The following PRR5L variants were observed in gnomAD, a reference collection of about 807,000 sequenced individuals.
PRR5L encodes the protein proline-rich protein 5-like.
PRR5L carries 21 observed loss-of-function variants against 36.4 expected under a neutral mutation model. The ratio of observed to expected loss-of-function variants is 0.58; its 90% CI spans 0.41 to 0.83. The LOEUF (loss-of-function observed/expected upper bound fraction) is 0.83, where lower values mean the gene tolerates loss of function less well. PRR5L is among the 40% of genes least tolerant of loss of function. PRR5L has a pLI of 0.00. For synonymous variants in PRR5L, 188 were observed against 197.0 expected (o/e 0.95, Z 0.38); for missense variants, 381 against 473.3 (o/e 0.80, Z 1.81).
At chr11:36,396,928 C>T (rs1285987868) in intron 1 of PRR5L, among the ~76,000 whole-genome samples, 1 of 152,104 alleles carries the variant, frequency 6.6e-6, no homozygotes, top group Non-Finnish European at 1.5e-5. Flanking sequence ...GGCTTCAATT[C>T]TAGTTTTCTG....
At position 36,463,377 on chromosome 11, in the gene PRR5L, A is replaced by G. The variant is rs1019723031; in HGVS notation, c.*641A>G. 3 of 152,182 alleles carry G rather than the reference A, an allele frequency of 2.0e-5. No homozygotes were observed. The highest frequency in any genetic ancestry group is 4.4e-5 in the Non-Finnish European group (3 of 68,066). The allele number at this position is 152,182 out of a possible 1,614,324, so 9.4% of individuals were successfully genotyped here. On this transcript the variant is annotated 3_prime_UTR_variant, in exon 9 of 9. Coordinates refer to ENST00000530639, the MANE Select transcript of PRR5L (RefSeq NM_001160167.2). ...CAGATCCTATGTGCTGCTTGCACAGAGGCCTTTGGCTTTTGACCCAGGAGG... is the reference window on the plus strand; with the variant it reads ...CAGATCCTATGTGCTGCTTGCACAGGGGCCTTTGGCTTTTGACCCAGGAGG...
chr11:36,341,980 A>G (rs1856821477), intron 1 of PRR5L, among the ~76,000 whole-genome samples: 1 of 152,248 alleles, frequency 6.6e-6, no homozygotes, highest in South Asian at 2.1e-4. Context: ...AAATGTTTCA[A>G]AGTACCTACT....
intron 7 of PRR5L, among the ~76,000 whole-genome samples, chr11:36,450,092 G>A (rs7117357): frequency 0.028 from 4,319 of 152,144 alleles, 199 homozygotes; most frequent in African/African-American, 0.098. Flanking sequence ...CCATCTCAGT[G>A]TAATGGTACC....
intron 1 of PRR5L, among the ~76,000 whole-genome samples, chr11:36,348,975 CA>C (rs2133486367): frequency 6.6e-6 from 1 of 152,268 alleles, no homozygotes; most frequent in Non-Finnish European, 1.5e-5. Flanking sequence ...ATGTCCTTAG[CA>C]TCCCTCGCTG....
At chr11:36,375,686 G>C (rs1244685045) in intron 1 of PRR5L, among the ~76,000 whole-genome samples, 2 of 152,004 alleles carry the variant, frequency 1.3e-5, no homozygotes, top group Non-Finnish European at 2.9e-5. Context: ...AAAACAACAA[G>C]AACAACAACA....
intron 1 of PRR5L, among the ~76,000 whole-genome samples, chr11:36,333,159 T>G (rs562486956): frequency 7.0e-4 from 106 of 152,302 alleles, no homozygotes; most frequent in African/African-American, 2.3e-3. Flanking sequence ...TAAAATTTTA[T>G]TTTTTACTCA....
chr11:36,350,910 ATATATATATTTATATATATTTATATATT>A, intron 1 of PRR5L, among the ~76,000 whole-genome samples: 1 of 109,244 alleles, frequency 9.2e-6, no homozygotes, highest in East Asian at 2.3e-4. Context: ...TGGTAAATAT[ATATATATATTTATATATATTTATATATT>A]TATATATATA....
chr11:36,329,241 A>T (rs751183976), intron 1 of PRR5L: 3 of 152,190 alleles, frequency 2.0e-5, no homozygotes, highest in Non-Finnish European at 4.4e-5. Context: ...GGCATGGAAG[A>T]TGAGGTGTTC....
rs1182299374 is a variant in PRR5L at position 36,344,183 on chromosome 11, C to T, written c.-126+47745C>T. Among the ~76,000 whole-genome samples, 1 of 151,728 alleles carries T rather than the reference C, an allele frequency of 6.6e-6. No homozygotes were observed. The highest frequency in any genetic ancestry group is 1.5e-5 in the Non-Finnish European group (1 of 67,970). On this transcript the variant is annotated intron_variant, in intron 1 of 8. Coordinates refer to ENST00000530639, the MANE Select transcript of PRR5L (RefSeq NM_001160167.2). This position sits in a 1 kb window ranked among gnomAD's most constrained non-coding sequence, Gnocchi z 4.1. ...AGTGAGCCAAGATTGTGCCACTGCA[C>T]ACTCCAGCCTGGGCAACAAGCGCAA...
rs182345676 is a variant in PRR5L, at chr11:36,344,920, T to A, written c.-126+48482T>A. 2.0e-5 allele frequency among the ~76,000 whole-genome samples: 3 copies of A among 152,320 alleles called. No homozygotes were observed. On this transcript the variant is annotated intron_variant, in intron 1 of 8. Transcript: ENST00000530639. The surrounding 1 kb of genome is among the most constrained non-coding windows in gnomAD (Gnocchi z 4.1). ...TTGCCAAGCTTGATTTGTTAAAATT[T>A]AGCAACAACAAAGTCATCAAATTTT...
At chr11:36,440,564 C>G (rs1294665606) in intron 6 of PRR5L, among the ~76,000 whole-genome samples, 1 of 152,068 alleles carries the variant, frequency 6.6e-6, no homozygotes, top group African/African-American at 2.4e-5. Context: ...ACAGAATAAT[C>G]TGGGGAAGAA....
rs36076560 is a variant in PRR5L, at chr11:36,372,976, TTGTGTGTGTG to T, written c.-125-27999_-125-27990del. ...CTTCAGCTTTTGCGCTGCCTAATAGTTGTGTGTGTGTGTGTGTGTGTGTGTGTGTGTTCAC... is the reference window on the plus strand; with the variant it reads ...CTTCAGCTTTTGCGCTGCCTAATAGTTGTGTGTGTGTGTGTGTGTGTTCAC... On this transcript the variant is annotated intron_variant, in intron 1 of 8. Transcript: ENST00000530639. Among the ~76,000 whole-genome samples, 114 of 146,758 alleles carry T rather than the reference TTGTGTGTGTG, an allele frequency of 7.8e-4. No individual in the cohort carries two copies. The South Asian group carries it at 0.013, about 17-fold the overall frequency.
At chr11:36,446,564 A>T in intron 7 of PRR5L, 124 bp downstream of exon 7, 1 of 1,156,638 alleles carries the variant, frequency 8.6e-7, no homozygotes, top group Non-Finnish European at 1.2e-6. Flanking sequence ...ACTACTATTT[A>T]GTTTGTTGGC....
At chr11:36,296,999 A>G (rs1268948216) in intron 1 of PRR5L, among the ~76,000 whole-genome samples, 1 of 152,162 alleles carries the variant, frequency 6.6e-6, no homozygotes, top group African/African-American at 2.4e-5. Context: ...GATGATAGCT[A>G]TGTGTATTGT....
At chr11:36,402,132 T>C (rs1454258189) in intron 2 of PRR5L, among the ~76,000 whole-genome samples, 2 of 152,266 alleles carry the variant, frequency 1.3e-5, no homozygotes, top group East Asian at 1.9e-4. Flanking sequence ...ATGTCTTATA[T>C]GCTTGTGGGC....
At chr11:36,420,487 C>A (rs1485544681) in intron 4 of PRR5L, among the ~76,000 whole-genome samples, 1 of 152,072 alleles carries the variant, frequency 6.6e-6, no homozygotes, top group Non-Finnish European at 1.5e-5. Context: ...TAGGACCAAA[C>A]CTTATAGGGT....
At chr11:36,389,762 G>A (rs955859166) in intron 1 of PRR5L, among the ~76,000 whole-genome samples, 35 of 152,074 alleles carry the variant, frequency 2.3e-4, no homozygotes, top group African/African-American at 7.7e-4. Context: ...ACAGGCGCCC[G>A]CCACCATACC....
chr11:36,359,418 G>T (rs929030830), intron 1 of PRR5L, among the ~76,000 whole-genome samples: 1 of 151,986 alleles, frequency 6.6e-6, no homozygotes, highest in African/African-American at 2.4e-5. Context: ...TCTTTGAAAT[G>T]GATTAATTTG....
chr11:36,440,784 C>T (rs1049015943), intron 6 of PRR5L, among the ~76,000 whole-genome samples: 1 of 152,164 alleles, frequency 6.6e-6, no homozygotes, highest in Non-Finnish European at 1.5e-5. Flanking sequence ...CCAGGTGAGG[C>T]CACAGCAAGC....
Sources: gnomAD v4.1 joint callset for allele counts (sites outside exome capture counted in the v4.1 genomes callset) on GRCh38, gnomAD v4.1.1 for gene constraint, Gnocchi (gnomAD v3.1) non-coding constraint, MANE v1.5 for transcripts, NCBI Gene and HGNC (gene_info 2026-07-23, HGNC 2026-07-21) for gene names.